TULP3: variants seen among roughly 807,000 people sequenced by gnomAD.
TULP3 encodes tubby-related protein 3.
TULP3 carries 38 observed loss-of-function variants against 50.7 expected under a neutral mutation model. The ratio of observed to expected loss-of-function variants is 0.75; its 90% CI spans 0.58 to 0.98. The LOEUF (loss-of-function observed/expected upper bound fraction) is 0.98. Ranked by LOEUF, TULP3 falls within the 50% of genes least tolerant of loss-of-function variation. The probability of loss-of-function intolerance (pLI) is 0.00; values close to 1 mark genes in which losing one functional copy is unlikely to be tolerated. For missense variants in TULP3, 550 were observed against 568.0 expected (o/e 0.97, Z 0.32); for synonymous variants, 183 against 196.6 (o/e 0.93, Z 0.58).
At chr12:2,919,656 C>CT (rs1305098797) in intron 2 of TULP3, among the ~76,000 whole-genome samples, 1 of 152,082 alleles carries the variant, frequency 6.6e-6, no homozygotes, top group Non-Finnish European at 1.5e-5. Flanking sequence ...TTTTCCTACT[C>CT]TGAGTTATCC....
At chr12:2,899,159 A>G (rs1265145926) in intron 1 of TULP3, among the ~76,000 whole-genome samples, 1 of 151,898 alleles carries the variant, frequency 6.6e-6, no homozygotes, top group African/African-American at 2.4e-5. Flanking sequence ...CAGCCTGACC[A>G]ACATGGAGAA....
intron 1 of TULP3, among the ~76,000 whole-genome samples, chr12:2,897,689 G>T (rs2098176346): frequency 6.7e-6 from 1 of 149,988 alleles, no homozygotes; most frequent in South Asian, 2.1e-4. Context: ...TTGAACTCGG[G>T]CCTCAAGTGA....
intron 1 of TULP3, among the ~76,000 whole-genome samples, chr12:2,903,819 G>A (rs115801173): frequency 0.012 from 1,816 of 151,972 alleles, 36 homozygotes; most frequent in African/African-American, 0.042. Context: ...TAGCTCTGTT[G>A]CCCAGGCTGG....
rs897679847 is a variant in TULP3 at position 2,911,257 on chromosome 12, A to G, written c.93+1677A>G. On this transcript the variant is annotated intron_variant, in intron 2 of 10. Coordinates refer to ENST00000448120, the MANE Select transcript of TULP3 (RefSeq NM_003324.5). ...AAAAACATAAGAATTCAAATAATAT[A>G]AGATAGATGTTTGATGAAAACATCT... Among the ~76,000 whole-genome samples, 5 of 152,318 alleles carry G rather than the reference A, an allele frequency of 3.3e-5. No homozygotes were observed. The South Asian group carries it at 8.3e-4, about 25-fold the overall frequency.
In TULP3 at chr12:2,915,072, T is replaced by C. The variant is rs544450642; in HGVS notation, c.93+5492T>C. Among the ~76,000 whole-genome samples the C allele has an allele frequency of 1.7e-4, 26 of 152,192 alleles. No individual in the cohort carries two copies. In the South Asian group the frequency reaches 5.0e-3, roughly 29 times the overall value. On this transcript the variant is annotated intron_variant, in intron 2 of 10. Coordinates refer to ENST00000448120, the MANE Select transcript of TULP3 (RefSeq NM_003324.5). ...GGCATGATCTTGGCTCACTGCAACC[T>C]CTGCCTCTCGGGTTCAAGCGATTCT...
Position 2,903,577 on chromosome 12 carries a change from GA to G in TULP3, c.42-5946del, listed in dbSNP as rs1369686097. 5.3e-3 allele frequency among the ~76,000 whole-genome samples: 763 copies of G among 144,422 alleles called. 5 individuals are homozygous for G. The highest frequency in any genetic ancestry group is 0.018 in the African/African-American group (706 of 38,946). The allele number at this position is 144,422 out of a possible 152,430, so 94.7% of individuals were successfully genotyped here. Reference sequence around the variant, plus strand: ...GACTCTATCTCAAAAAAAAAAAAAAGAAAAAAGAAAAAAATGAAATTTGCTG... The same window carrying G: ...GACTCTATCTCAAAAAAAAAAAAAAGAAAAAGAAAAAAATGAAATTTGCTG... On this transcript the variant is annotated intron_variant, in intron 1 of 10. Coordinates refer to ENST00000448120, the MANE Select transcript of TULP3 (RefSeq NM_003324.5).
In TULP3 at chr12:2,934,543, G is replaced by C. The variant is rs1398214362; in HGVS notation, c.906G>C (p.Glu302Asp). 5 of 1,593,308 alleles carry C rather than the reference G, an allele frequency of 3.1e-6. No individual in the cohort carries two copies. The Admixed American group carries it at 7.1e-5, about 23-fold the overall frequency. Residue 302 changes from glutamate to aspartate, a missense_variant, in exon 8 of 11, where the codon GAG (glutamate) becomes GAC (aspartate). Coordinates refer to ENST00000448120, the MANE Select transcript of TULP3 (RefSeq NM_003324.5). ...TAGGAGCGGCCCACACCCGGCAGGA[G>C]CTGGCTGCCATCTCCTATGTGAGTG... ...GLVGAAHTRQ[E>D]LAAISYETNV...
In TULP3 at chr12:2,933,344, G is replaced by A. The variant is rs183912307; in HGVS notation, c.697-74G>A. On this transcript the variant is annotated intron_variant, in intron 6 of 10. Coordinates refer to ENST00000448120, the MANE Select transcript of TULP3 (RefSeq NM_003324.5). Reference sequence around the variant, plus strand: ...TGCTAAGCACTGGCTGAATGAATATGTAGGACAACCATGACCAGAGGTGGG... The same window carrying A: ...TGCTAAGCACTGGCTGAATGAATATATAGGACAACCATGACCAGAGGTGGG... 29 of 889,732 alleles carry A rather than the reference G, an allele frequency of 3.3e-5. No homozygotes were observed. In the East Asian group the frequency reaches 3.7e-4, roughly 11 times the overall value. 55.1% of individuals were successfully genotyped at this position (889,732 alleles called of 1,614,324 possible).
rs142241232 is a variant in TULP3 at position 2,891,481 on chromosome 12, T to C, written c.41+493T>C. Among the ~76,000 whole-genome samples, 399 of 152,296 alleles carry C rather than the reference T, an allele frequency of 2.6e-3. 1 individual carries two copies. Among genetic ancestry groups the C allele is most frequent in the Non-Finnish European group, 4.2e-3 (287 of 68,024 alleles). The stretch of plus-strand genomic sequence containing the variant: ...CGAGGAGCGGAAACGCGAAACTTCT[T>C]TTTCCTCTCTGCTTTCCAGTGTTTG... On this transcript the variant is annotated intron_variant, in intron 1 of 10. Coordinates refer to ENST00000448120, the MANE Select transcript of TULP3 (RefSeq NM_003324.5).
intron 1 of TULP3, among the ~76,000 whole-genome samples, chr12:2,900,067 A>G (rs1045863569): frequency 4.0e-5 from 6 of 150,626 alleles, no homozygotes; most frequent in African/African-American, 1.5e-4. Flanking sequence ...ATACAAAAAA[A>G]ATAAAAAATT....
At chr12:2,937,755 T>G (rs1392114066) in intron 9 of TULP3, 26 bp downstream of exon 9, 1 of 1,548,954 alleles carries the variant, frequency 6.5e-7, no homozygotes, top group East Asian at 2.3e-5. Flanking sequence ...TTTAAATCAG[T>G]GAAAGACTCT....
At chr12:2,920,642 G>A in intron 2 of TULP3, 121 bp from the exon 3 acceptor site, 1 of 1,252,500 alleles carries the variant, frequency 8.0e-7, no homozygotes, top group Non-Finnish European at 1.1e-6. Context: ...TTTCTTAAAT[G>A]GGGAAAAAAT....
chr12:2,913,764 C>T (rs2098187027), intron 2 of TULP3, among the ~76,000 whole-genome samples: 1 of 152,104 alleles, frequency 6.6e-6, no homozygotes, highest in Non-Finnish European at 1.5e-5. Context: ...GCGTGCGCCA[C>T]CACACCTGGC....
rs575236466 is a variant in TULP3, at chr12:2,934,359, A to G, written c.810-88A>G. On this transcript the variant is annotated intron_variant, in intron 7 of 10. Coordinates refer to ENST00000448120, the MANE Select transcript of TULP3 (RefSeq NM_003324.5). ...CATTGAGACATTTGGAAAACAGGCAAATAGGCTTCCATTTTCCTTCTCTTA... is the reference window on the plus strand; with the variant it reads ...CATTGAGACATTTGGAAAACAGGCAGATAGGCTTCCATTTTCCTTCTCTTA... 141 of 797,676 alleles carry G rather than the reference A, an allele frequency of 1.8e-4. 1 individual carries two copies. The East Asian group carries it at 4.0e-3, about 23-fold the overall frequency. 49.4% of individuals were successfully genotyped at this position (797,676 alleles called of 1,614,324 possible). A position where few individuals can be genotyped will look rare whatever the true frequency, so the allele number is the denominator to read the frequency against.
intron 1 of TULP3, among the ~76,000 whole-genome samples, chr12:2,892,479 G>A (rs1162783157): frequency 6.6e-6 from 1 of 152,060 alleles, no homozygotes; most frequent in Non-Finnish European, 1.5e-5. Flanking sequence ...ACGGGATGCG[G>A]GATTGACTTT....
rs199870978 is a variant in TULP3 at position 2,893,816 on chromosome 12, TA to T, written c.41+2829del. 2.8e-3 allele frequency among the ~76,000 whole-genome samples: 428 copies of T among 151,202 alleles called. 7 individuals carry two copies. The highest frequency in any genetic ancestry group is 9.3e-3 in the African/African-American group (385 of 41,194). ...AACTACAAATATTTTTTTTAATTTT[TA>T]TTTTTTTGTAGAGACAAGGTCTCAC... On this transcript the variant is annotated intron_variant, in intron 1 of 10. Transcript: ENST00000448120.
At chr12:2,931,290 T>G in intron 6 of TULP3, 50 bp downstream of exon 6, 1 of 1,579,208 alleles carries the variant, frequency 6.3e-7, no homozygotes, top group South Asian at 1.1e-5. Flanking sequence ...AAGAATGTTG[T>G]GGGAATAGAT....
chr12:2,919,243 C>T (rs182555996), intron 2 of TULP3, among the ~76,000 whole-genome samples: 1 of 152,278 alleles, frequency 6.6e-6, no homozygotes, highest in Non-Finnish European at 1.5e-5. Context: ...ATTATAGCCT[C>T]CTGTGTATTT....
intron 2 of TULP3, 112 bp from the exon 3 acceptor site, chr12:2,920,651 A>T: frequency 7.5e-7 from 1 of 1,341,764 alleles, no homozygotes; most frequent in Non-Finnish European, 1.0e-6. Flanking sequence ...TGGGGAAAAA[A>T]TAATTTACAA....
Sources: gnomAD v4.1 joint callset for allele counts (sites outside exome capture counted in the v4.1 genomes callset) on GRCh38, gnomAD v4.1.1 for gene constraint, MANE v1.5 for transcripts, NCBI Gene and HGNC (gene_info 2026-07-23, HGNC 2026-07-21) for gene names.